UBE2W: variants seen among roughly 807,000 people sequenced by gnomAD.
UBE2W encodes the protein ubiquitin-conjugating enzyme E2 W.
A neutral mutation model predicts 27.2 loss-of-function variants in UBE2W; 18 were observed. That is an observed-to-expected ratio of 0.66 (90% CI 0.46 to 0.98). UBE2W has a LOEUF of 0.98. UBE2W is among the 50% of genes least tolerant of loss of function. UBE2W has a pLI of 0.00. For missense variants in UBE2W, 90 were observed against 180.2 expected (o/e 0.50, Z 2.87); for synonymous variants, 53 against 57.2 (o/e 0.93, Z 0.33).
chr8:73,869,902 CAAAAG>C (rs1251925965), intron 1 of UBE2W, among the ~76,000 whole-genome samples: 33 of 152,182 alleles, frequency 2.2e-4, no homozygotes, highest in African/African-American at 7.5e-4. Flanking sequence ...AAGCCAGGCA[CAAAAG>C]GTCATATATA....
At chr8:73,852,913 CAA>C (rs1454679199) in intron 1 of UBE2W, among the ~76,000 whole-genome samples, 1 of 152,122 alleles carries the variant, frequency 6.6e-6, no homozygotes, top group Non-Finnish European at 1.5e-5. Flanking sequence ...AAGCAAAATG[CAA>C]ACTTTAAGAC....
intron 1 of UBE2W, among the ~76,000 whole-genome samples, chr8:73,844,419 G>C (rs1336740403): frequency 6.6e-6 from 1 of 152,220 alleles, no homozygotes; most frequent in African/African-American, 2.4e-5. Flanking sequence ...GAGGTGCCGG[G>C]ATTGCAGACA....
At chr8:73,802,930 G>A (rs940650116) in intron 5 of UBE2W, among the ~76,000 whole-genome samples, 3 of 152,210 alleles carry the variant, frequency 2.0e-5, no homozygotes, top group African/African-American at 7.2e-5. Context: ...GGCTGAGGCA[G>A]GAGAATGGTG....
intron 2 of UBE2W, among the ~76,000 whole-genome samples, chr8:73,827,519 A>G (rs1046477879): frequency 9.2e-5 from 14 of 151,752 alleles, no homozygotes; most frequent in Non-Finnish European, 5.9e-5. Context: ...TGGCCTGTGC[A>G]TGGTACTTTC....
At chr8:73,823,260 G>A (rs1433761439) in intron 3 of UBE2W, among the ~76,000 whole-genome samples, 1 of 152,146 alleles carries the variant, frequency 6.6e-6, no homozygotes, top group African/African-American at 2.4e-5. Context: ...GTAACTTACA[G>A]AAATATTAAA....
At position 73,789,065 on chromosome 8, in the gene UBE2W, C is replaced by T. The variant is rs866407096; in HGVS notation, c.*5037G>A. The T allele has an allele frequency of 1.0e-6, 1 of 985,172 alleles. No homozygotes were observed. The highest frequency in any genetic ancestry group is 1.2e-6 in the Non-Finnish European group (1 of 829,888). The allele number at this position is 985,172 out of a possible 1,614,324, so 61.0% of individuals were successfully genotyped here. ...AAAATTAAAATTACAATTAACATCT[C>T]ACCAGGATCAAAGAACCCTAACTTC... On this transcript the variant is annotated 3_prime_UTR_variant, in exon 6 of 6. Coordinates refer to ENST00000602593, the MANE Select transcript of UBE2W (RefSeq NM_018299.6).
At chr8:73,796,340 A>G (rs1808420151) in intron 5 of UBE2W, among the ~76,000 whole-genome samples, 1 of 152,188 alleles carries the variant, frequency 6.6e-6, no homozygotes, top group African/African-American at 2.4e-5. Flanking sequence ...CAAGATAACA[A>G]TATATACAAT....
chr8:73,802,762 G>A (rs955720982), intron 5 of UBE2W, among the ~76,000 whole-genome samples: 1 of 152,170 alleles, frequency 6.6e-6, no homozygotes, highest in African/African-American at 2.4e-5. Flanking sequence ...GGAGGCTCAT[G>A]CCTGTAATCC....
intron 3 of UBE2W, among the ~76,000 whole-genome samples, chr8:73,814,095 C>T (rs550590706): frequency 1.1e-4 from 17 of 152,240 alleles, no homozygotes; most frequent in African/African-American, 3.9e-4. Flanking sequence ...GTAACCAAGG[C>T]AGAATTTCTT....
chr8:73,805,812 A>G, intron 4 of UBE2W, 86 bp from the exon 5 acceptor site: 1 of 693,874 alleles, frequency 1.4e-6, no homozygotes. Context: ...AAAAATTAAC[A>G]GAATGCATAA....
chr8:73,869,065 A>C (rs1811891888), intron 1 of UBE2W, among the ~76,000 whole-genome samples: 3 of 152,198 alleles, frequency 2.0e-5, no homozygotes, highest in Admixed American at 2.0e-4. Context: ...TACAACCAAA[A>C]AATGGGCCAT....
At chr8:73,830,357 G>A (rs1810021865) in intron 2 of UBE2W, 24 bp downstream of exon 2, 1 of 1,513,058 alleles carries the variant, frequency 6.6e-7, no homozygotes, top group African/African-American at 1.4e-5. Flanking sequence ...AAAACAAAGA[G>A]CCCTTTTAAA....
At position 73,805,745 on chromosome 8, in the gene UBE2W, T is replaced by C. The variant is rs773351949; in HGVS notation, c.367-19A>G. ...GTCGTCTCTGAAACAAAAAATAATT[T>C]AAATAGGTTGAAAAACAGAAAAACT... On this transcript the variant is annotated intron_variant, in intron 4 of 5. Transcript: ENST00000602593. 6.9e-6 allele frequency: 10 copies of C among 1,448,166 alleles called. No homozygotes were observed. Among genetic ancestry groups the C allele is most frequent in the Non-Finnish European group, 9.3e-6 (10 of 1,077,918 alleles). 89.7% of individuals were successfully genotyped at this position (1,448,166 alleles called of 1,614,324 possible).
intron 1 of UBE2W, among the ~76,000 whole-genome samples, chr8:73,868,525 T>C (rs576264232): frequency 6.6e-6 from 1 of 151,928 alleles, no homozygotes; most frequent in East Asian, 1.9e-4. Flanking sequence ...AAGAAGGGGG[T>C]TGTGGGAACC....
intron 4 of UBE2W, among the ~76,000 whole-genome samples, chr8:73,780,676 C>T (rs1807825308): frequency 6.6e-6 from 1 of 152,008 alleles, no homozygotes; most frequent in Non-Finnish European, 1.5e-5. Flanking sequence ...GACACCACCA[C>T]ATTCAGCTAA....
chr8:73,866,409 G>A (rs13275469), intron 1 of UBE2W, among the ~76,000 whole-genome samples: 1 of 148,378 alleles, frequency 6.7e-6, no homozygotes, highest in African/African-American at 2.5e-5. Context: ...CACTCACCCA[G>A]AGAAGTAACC....
chr8:73,839,199 C>T (rs961769988), intron 1 of UBE2W, among the ~76,000 whole-genome samples: 10 of 151,900 alleles, frequency 6.6e-5, no homozygotes, highest in African/African-American at 2.4e-4. Context: ...CAGAGAGCTG[C>T]GATGATAGGT....
At chr8:73,818,455 C>G (rs1047922548) in intron 3 of UBE2W, among the ~76,000 whole-genome samples, 4 of 152,134 alleles carry the variant, frequency 2.6e-5, no homozygotes, top group Non-Finnish European at 5.9e-5. Flanking sequence ...TTAAATAGGA[C>G]TATATCGTTC....
In UBE2W at chr8:73,845,151, G is replaced by A. The variant is rs564761687; in HGVS notation, c.16-14679C>T. Among the ~76,000 whole-genome samples the A allele has an allele frequency of 1.0e-4, 13 of 129,688 alleles. No homozygotes were observed. The South Asian group carries it at 1.3e-3, about 13-fold the overall frequency. 85.1% of individuals were successfully genotyped at this position (129,688 alleles called of 152,430 possible). ...TGGGAGGTGGTGGGCGCCTCTGCCC[G>A]GCCGCCCTGTCTGTGAAGTGAGGAG... On this transcript the variant is annotated intron_variant, in intron 1 of 5. Transcript: ENST00000602593.
Sources: allele counts gnomAD v4.1 joint callset (sites outside exome capture counted in the v4.1 genomes callset), GRCh38; gene constraint gnomAD v4.1.1; transcripts MANE v1.5; gene names NCBI Gene and HGNC (gene_info 2026-07-23, HGNC 2026-07-21).